Variants in OXSR1 observed in about 807,000 individuals in gnomAD.
OXSR1 encodes the protein oxidative stress responsive kinase 1, also known as serine/threonine-protein kinase OSR1.
OXSR1 carries 24 observed loss-of-function variants against 79.8 expected under a neutral mutation model. That is an observed-to-expected ratio of 0.30 (90% CI 0.22 to 0.42). OXSR1 has a LOEUF of 0.42. OXSR1 is among the 10% of genes least tolerant of loss of function. The pLI, the probability that OXSR1 is intolerant of heterozygous loss-of-function variation, is 1.00. For missense variants in OXSR1, 430 were observed against 618.4 expected (o/e 0.70, Z 3.23); for synonymous variants, 226 against 209.2 (o/e 1.08, Z -0.69).
At chr3:38,236,141 A>G (rs140864266) in intron 10 of OXSR1, among the ~76,000 whole-genome samples, 4 of 152,336 alleles carry the variant, frequency 2.6e-5, no homozygotes, top group African/African-American at 9.6e-5. Context: ...TGAATATGAT[A>G]TATATAATCA....
rs1213769822 is a variant in OXSR1, at chr3:38,178,616, ATATATTTT to A, written c.71-4385_71-4378del. Among the ~76,000 whole-genome samples, 207 of 87,988 alleles carry A rather than the reference ATATATTTT, an allele frequency of 2.4e-3. 3 individuals are homozygous for A. Among genetic ancestry groups the A allele is most frequent in the African/African-American group, 0.011 (195 of 18,090 alleles). 57.7% of individuals were successfully genotyped at this position (87,988 alleles called of 152,430 possible). On this transcript the variant is annotated intron_variant, in intron 1 of 17. Coordinates refer to ENST00000311806, the MANE Select transcript of OXSR1 (RefSeq NM_005109.3). ...ACCATATCCAGCTATATATATATAT[ATATATTTT>A]TTTTTTTTTTTTTTTTTCTTTTTTT... is the stretch of plus-strand genomic sequence containing the variant.
Position 38,170,792 on chromosome 3 carries a change from G to C in OXSR1, c.70+4846G>C, listed in dbSNP as rs114118918. Among the ~76,000 whole-genome samples the C allele has an allele frequency of 7.0e-3, 1,059 of 152,156 alleles. 17 individuals carry two copies. Among genetic ancestry groups the C allele is most frequent in the African/African-American group, 0.024 (1,016 of 41,512 alleles). ...ACAGATTAAGGGAATGATCTCCCCTGCTTTTTTCTGAGAAGGGTCTCACTC... is the reference window on the plus strand; with the variant it reads ...ACAGATTAAGGGAATGATCTCCCCTCCTTTTTTCTGAGAAGGGTCTCACTC... On this transcript the variant is annotated intron_variant, in intron 1 of 17. Transcript: ENST00000311806.
chr3:38,227,544 TCC>T (rs1491300855), intron 8 of OXSR1, among the ~76,000 whole-genome samples: 5 of 91,096 alleles, frequency 5.5e-5, no homozygotes, highest in African/African-American at 1.1e-4. Flanking sequence ...TGTATGCACA[TCC>T]ACACACACAC....
intron 2 of OXSR1, among the ~76,000 whole-genome samples, chr3:38,185,547 C>T (rs1201308798): frequency 6.6e-6 from 1 of 152,210 alleles, no homozygotes; most frequent in Non-Finnish European, 1.5e-5. Context: ...GATTGTGCCA[C>T]TGCACTCCAG....
Position 38,249,983 on chromosome 3 carries a change from TA to T in OXSR1, c.1343del (p.Asn448MetfsTer32). The T allele has an allele frequency of 6.3e-7, 1 of 1,591,806 alleles. No individual in the cohort carries two copies. The highest frequency in any genetic ancestry group is 8.6e-7 in the Non-Finnish European group (1 of 1,162,338). ...VLRLRNSKKE[L>X]NDIRFEFTPG... The stretch of plus-strand genomic sequence containing the variant: ...TTTCATAGGAATTCCAAAAAAGAAC[TA>T]AATGATATTCGATTTGAATTTACTC... On this transcript the variant is annotated frameshift_variant, in exon 15 of 18. Coordinates refer to ENST00000311806, the MANE Select transcript of OXSR1 (RefSeq NM_005109.3). LOFTEE classifies it high-confidence loss of function.
rs754000162 is a variant in OXSR1 at position 38,247,687 on chromosome 3, G to A, written c.1277G>A (p.Gly426Asp). The A allele has an allele frequency of 1.2e-6, 2 of 1,612,042 alleles. No individual in the cohort carries two copies. The highest frequency in any genetic ancestry group is 1.3e-5 in the African/African-American group (1 of 74,954). ...KTAQALSSGS[G>D]SQETKIPISL... is the part of the protein sequence containing the mutation. ...TTTTAGGCTTTGTCTTCAGGATCAG[G>A]TTCACAAGAAACCAAGATCCCAATC... Residue 426 changes from glycine to aspartate, a missense_variant, in exon 14 of 18, where the codon GGT becomes GAT. Coordinates refer to ENST00000311806, the MANE Select transcript of OXSR1 (RefSeq NM_005109.3).
intron 11 of OXSR1, among the ~76,000 whole-genome samples, chr3:38,241,187 T>C (rs1703025669): frequency 1.3e-5 from 2 of 152,102 alleles, no homozygotes; most frequent in South Asian, 4.1e-4. Context: ...CAGATGAACA[T>C]GGGATACAGT....
rs1703323317 is a variant in OXSR1, at chr3:38,254,587, C to G, written c.*1696C>G. ...ACCAGCTTGCTAGAAAAATACTTAG[C>G]TTTTCTTTTTCTTTTTTTGTGGAGG... On this transcript the variant is annotated 3_prime_UTR_variant, in exon 18 of 18. Coordinates refer to ENST00000311806, the MANE Select transcript of OXSR1 (RefSeq NM_005109.3). 3.9e-6 allele frequency: 1 copy of G among 254,422 alleles called. No individual in the cohort carries two copies. The highest frequency in any genetic ancestry group is 2.2e-5 in the African/African-American group (1 of 45,294). 15.8% of individuals were successfully genotyped at this position (254,422 alleles called of 1,614,324 possible).
intron 11 of OXSR1, among the ~76,000 whole-genome samples, chr3:38,237,315 T>G (rs879273308): frequency 2.0e-5 from 3 of 152,308 alleles, no homozygotes; most frequent in Non-Finnish European, 4.4e-5. Flanking sequence ...TCTGTTATCC[T>G]TCTACTAAGG....
At chr3:38,180,798 T>G (rs1357506240) in intron 1 of OXSR1, among the ~76,000 whole-genome samples, 1 of 152,120 alleles carries the variant, frequency 6.6e-6, no homozygotes. Flanking sequence ...CCTCCCAAAG[T>G]GCTGGGATTA....
chr3:38,177,648 G>A (rs954806851), intron 1 of OXSR1, among the ~76,000 whole-genome samples: 2 of 151,210 alleles, frequency 1.3e-5, no homozygotes, highest in African/African-American at 2.4e-5. Flanking sequence ...GCAGTGGTGT[G>A]AACATGGCTC....
At chr3:38,188,098 T>A (rs938866644) in intron 2 of OXSR1, among the ~76,000 whole-genome samples, 2 of 152,204 alleles carry the variant, frequency 1.3e-5, no homozygotes, top group Non-Finnish European at 1.5e-5. Context: ...CCCCTTTTCA[T>A]CTTTGGATTT....
At chr3:38,178,876 A>G (rs1323375494) in intron 1 of OXSR1, among the ~76,000 whole-genome samples, 1 of 151,588 alleles carries the variant, frequency 6.6e-6, no homozygotes, top group Non-Finnish European at 1.5e-5. Flanking sequence ...ATTTTCTTTT[A>G]CTTTTGAGAT....
chr3:38,184,170 T>G (rs978428385), intron 2 of OXSR1, among the ~76,000 whole-genome samples: 4 of 152,128 alleles, frequency 2.6e-5, no homozygotes, highest in African/African-American at 9.7e-5. Context: ...GTGTCTGTAC[T>G]GAGTATTAGG....
In OXSR1 at chr3:38,234,882, G is replaced by A. The variant is rs151205079; in HGVS notation, c.952-1957G>A. On this transcript the variant is annotated intron_variant, in intron 10 of 17. Transcript: ENST00000311806. ...GATTTATAAAATGTGGTATATTCAT[G>A]CAGTAGAATATTATTTGACAATAAA... Among the ~76,000 whole-genome samples, 384 of 152,346 alleles carry A rather than the reference G, an allele frequency of 2.5e-3. 6 individuals are homozygous for A. The highest frequency in any genetic ancestry group is 0.022 in the Admixed American group (342 of 15,298).
At chr3:38,173,446 T>A (rs1701620861) in intron 1 of OXSR1, among the ~76,000 whole-genome samples, 1 of 152,238 alleles carries the variant, frequency 6.6e-6, no homozygotes, top group South Asian at 2.1e-4. Flanking sequence ...CCTAACTAAC[T>A]GTATGACCTA....
At chr3:38,238,176 T>C (rs1402123176) in intron 11 of OXSR1, among the ~76,000 whole-genome samples, 1 of 152,130 alleles carries the variant, frequency 6.6e-6, no homozygotes, top group Non-Finnish European at 1.5e-5. Context: ...ACAGAATAAG[T>C]AGTTTTCTGT....
chr3:38,218,075 G>A (rs994994189), intron 5 of OXSR1, among the ~76,000 whole-genome samples: 1 of 152,022 alleles, frequency 6.6e-6, no homozygotes, highest in African/African-American at 2.4e-5. Flanking sequence ...CTGTGAACAC[G>A]AGTGTCCAAA....
At chr3:38,177,308 T>C (rs1232868494) in intron 1 of OXSR1, among the ~76,000 whole-genome samples, 2 of 152,142 alleles carry the variant, frequency 1.3e-5, no homozygotes, top group African/African-American at 2.4e-5. Flanking sequence ...TATGCAGAAA[T>C]AATTAAGAGA....
Sources: gnomAD v4.1 joint callset for allele counts (sites outside exome capture counted in the v4.1 genomes callset) on GRCh38, gnomAD v4.1.1 for gene constraint, MANE v1.5 for transcripts, NCBI Gene and HGNC (gene_info 2026-07-23, HGNC 2026-07-21) for gene names.